Variants in KLHL1 observed in about 807,000 individuals in gnomAD.
KLHL1 encodes kelch like family member 1.
A neutral mutation model predicts 77.7 loss-of-function variants in KLHL1; 47 were observed. The observed-to-expected ratio is 0.60, with a 90% CI of 0.48 to 0.77. The LOEUF (loss-of-function observed/expected upper bound fraction) is 0.77, where lower values mean the gene tolerates loss of function less well. KLHL1 is among the 30% of genes least tolerant of loss of function. The pLI, the probability that KLHL1 is intolerant of heterozygous loss-of-function variation, is 0.00. For missense variants in KLHL1, 925 were observed against 910.8 expected (o/e 1.02, Z -0.20); for synonymous variants, 360 against 325.2 (o/e 1.11, Z -1.15).
chr13:69,706,808 A>G (rs1470929416), intron 10 of KLHL1, among the ~76,000 whole-genome samples: 1 of 152,002 alleles, frequency 6.6e-6, no homozygotes, highest in East Asian at 1.9e-4. Context: ...ATCATAAGCA[A>G]GGCCACAGTA....
chr13:69,822,018 T>C (rs1878357260), intron 6 of KLHL1, among the ~76,000 whole-genome samples: 1 of 151,800 alleles, frequency 6.6e-6, no homozygotes, highest in South Asian at 2.1e-4. Flanking sequence ...GCCAACATGG[T>C]GAAACCCCAT....
In KLHL1 at chr13:69,957,811, T is replaced by C. The variant is rs372710123; in HGVS notation, c.817+3497A>G. Among the ~76,000 whole-genome samples, 13 of 151,826 alleles carry C rather than the reference T, an allele frequency of 8.6e-5. No homozygotes were observed. In the East Asian group the frequency reaches 1.9e-3, roughly 23 times the overall value. On this transcript the variant is annotated intron_variant, in intron 3 of 10. Transcript: ENST00000377844. ...GTAGAAAACAGTGAAGAAAACCCAA[T>C]TGAAAGTCTTAAAAGAAAAATTGAA...
chr13:69,898,823 T>C lies in KLHL1; in HGVS notation c.1015-16328A>G, dbSNP rs556762231. 4.6e-5 allele frequency among the ~76,000 whole-genome samples: 7 copies of C among 152,262 alleles called. No homozygotes were observed. The South Asian group carries it at 1.5e-3, about 32-fold the overall frequency. On this transcript the variant is annotated intron_variant, in intron 4 of 10. Coordinates refer to ENST00000377844, the MANE Select transcript of KLHL1 (RefSeq NM_020866.3). ...TTTTCTATTCAATGCCACATGTAGC[T>C]TGTGCACAAGGATTCAATGCCACAT...
At chr13:70,024,038 G>A (rs1215721145) in intron 1 of KLHL1, among the ~76,000 whole-genome samples, 1 of 151,484 alleles carries the variant, frequency 6.6e-6, no homozygotes, top group Non-Finnish European at 1.5e-5. Context: ...TTAATTAGTT[G>A]CAAAAAAAAT....
chr13:69,808,836 T>G (rs1877736604), intron 6 of KLHL1, among the ~76,000 whole-genome samples: 1 of 150,186 alleles, frequency 6.7e-6, no homozygotes, highest in Admixed American at 6.6e-5. Context: ...AATTCAAAAT[T>G]TAAAAGATGA....
intron 1 of KLHL1, among the ~76,000 whole-genome samples, chr13:70,096,156 G>A (rs1887784077): frequency 6.6e-6 from 1 of 152,080 alleles, no homozygotes. Context: ...ATAAACACAG[G>A]AGAGCAGATG....
chr13:69,744,256 G>A (rs1459292825), intron 7 of KLHL1, among the ~76,000 whole-genome samples: 2 of 152,030 alleles, frequency 1.3e-5, no homozygotes, highest in Admixed American at 6.6e-5. Flanking sequence ...GAAGCTTTTG[G>A]TATTTGTAAA....
At chr13:69,894,922 AAGC>A (rs1387621778) in intron 4 of KLHL1, 2 of 438,710 alleles carry the variant, frequency 4.6e-6, no homozygotes, top group Non-Finnish European at 8.8e-6. Flanking sequence ...GAGCAGAACC[AAGC>A]AGCTTGGTTC....
intron 1 of KLHL1, among the ~76,000 whole-genome samples, chr13:69,992,398 T>G (rs1254128950): frequency 2.0e-5 from 3 of 151,882 alleles, no homozygotes; most frequent in African/African-American, 7.2e-5. Context: ...ATAATATAAT[T>G]TGGGCTCTGA....
chr13:69,753,596 C>A (rs1489089355), intron 7 of KLHL1, among the ~76,000 whole-genome samples: 1 of 152,052 alleles, frequency 6.6e-6, no homozygotes, highest in Non-Finnish European at 1.5e-5. Flanking sequence ...ACAGATAAAT[C>A]AAATGAGAAT....
intron 6 of KLHL1, among the ~76,000 whole-genome samples, chr13:69,820,521 T>C (rs886372499): frequency 6.6e-6 from 1 of 152,036 alleles, no homozygotes; most frequent in Non-Finnish European, 1.5e-5. Context: ...AAAAGGATAA[T>C]TGAAAAAGGG....
At chr13:69,935,298 C>G (rs1282880981) in intron 4 of KLHL1, among the ~76,000 whole-genome samples, 1 of 46,180 alleles carries the variant, frequency 2.2e-5, no homozygotes, top group Non-Finnish European at 4.5e-5. Flanking sequence ...TCAATAGTCA[C>G]TATACCTTCA....
At chr13:69,728,867 T>C (rs561684038) in intron 8 of KLHL1, among the ~76,000 whole-genome samples, 5 of 152,066 alleles carry the variant, frequency 3.3e-5, no homozygotes, top group African/African-American at 4.8e-5. Flanking sequence ...CATTTTCCCA[T>C]AGTAAATCAT....
intron 1 of KLHL1, among the ~76,000 whole-genome samples, chr13:70,057,100 AC>A (rs1475989505): frequency 1.6e-4 from 25 of 152,300 alleles, no homozygotes; most frequent in East Asian, 1.4e-3. Context: ...AGATAAAAAA[AC>A]ATTACAACTG....
chr13:69,773,886 TAGA>T (rs1335203261), intron 7 of KLHL1, among the ~76,000 whole-genome samples: 3 of 150,680 alleles, frequency 2.0e-5, no homozygotes, highest in African/African-American at 7.3e-5. Flanking sequence ...TATATATACA[TAGA>T]ATAAAACGTA....
chr13:69,799,177 A>T (rs973024027), intron 6 of KLHL1, among the ~76,000 whole-genome samples: 2 of 152,184 alleles, frequency 1.3e-5, no homozygotes, highest in Non-Finnish European at 2.9e-5. Context: ...ATCTAATCCT[A>T]ATTAACACAA....
At chr13:69,933,526 T>C (rs1883073357) in intron 4 of KLHL1, among the ~76,000 whole-genome samples, 2 of 152,142 alleles carry the variant, frequency 1.3e-5, no homozygotes, top group South Asian at 2.1e-4. Context: ...ATATAGTTTG[T>C]TCTTTCTATA....
At chr13:69,817,628 A>T (rs1281115810) in intron 6 of KLHL1, among the ~76,000 whole-genome samples, 1 of 152,226 alleles carries the variant, frequency 6.6e-6, no homozygotes, top group African/African-American at 2.4e-5. Flanking sequence ...TCTTTTCCAG[A>T]GAATAGCCAC....
intron 8 of KLHL1, among the ~76,000 whole-genome samples, chr13:69,734,188 G>C (rs1026262617): frequency 2.0e-5 from 3 of 152,050 alleles, no homozygotes; most frequent in African/African-American, 7.2e-5. Context: ...AGATCTGGTT[G>C]TTTAAAAGTG....
Sources: allele counts gnomAD v4.1 joint callset (sites outside exome capture counted in the v4.1 genomes callset), GRCh38; gene constraint gnomAD v4.1.1; transcripts MANE v1.5; gene names NCBI Gene and HGNC (gene_info 2026-07-23, HGNC 2026-07-21).